The following PHLPP2 variants were observed in gnomAD, a reference collection of about 807,000 sequenced individuals.
The protein encoded by PHLPP2 is PH domain and leucine rich repeat protein phosphatase 2.
In PHLPP2, 66 loss-of-function variants were observed where a neutral mutation model predicts 124.9. That is an observed-to-expected ratio of 0.53 (90% confidence interval 0.43 to 0.65). The LOEUF is 0.65. Ranked by LOEUF, PHLPP2 falls within the 30% of genes least tolerant of loss-of-function variation. PHLPP2 has a pLI of 0.00. For synonymous variants in PHLPP2, 681 were observed against 624.7 expected (o/e 1.09, Z -1.34); for missense variants, 1,685 against 1,600.4 (o/e 1.05, Z -0.90).
intron 11 of PHLPP2, among the ~76,000 whole-genome samples, chr16:71,668,135 G>A (rs2044855247): frequency 6.6e-6 from 1 of 151,110 alleles, no homozygotes; most frequent in African/African-American, 2.4e-5. Context: ...GCTCTGGCCG[G>A]GGGTGGTGGC....
chr16:71,697,786 T>G (rs2045187886), intron 3 of PHLPP2, among the ~76,000 whole-genome samples: 1 of 150,852 alleles, frequency 6.6e-6, no homozygotes, highest in African/African-American at 2.4e-5. Flanking sequence ...CCAACGCAAA[T>G]AAGAGGTTTG....
rs770590778 is a variant in PHLPP2 at position 71,649,400 on chromosome 16, G to A, written c.3462C>T (p.Pro1154=). 1.4e-5 allele frequency: 22 copies of A among 1,613,900 alleles called. No individual in the cohort carries two copies. The highest frequency in any genetic ancestry group is 1.6e-4 in the Middle Eastern group (1 of 6,084). Residue 1154 remains proline (P), a synonymous_variant, in exon 19 of 19, where the codon CCC becomes CCT. Transcript: ENST00000568954. ...DNGLDSDDDQ[P]VEGVITNGSK... ...TGCCATTGGTTATGACCCCCTCAAC[G>A]GGCTGGTCATCATCACTGTCCAGGC... is the stretch of plus-strand genomic sequence containing the variant.
In PHLPP2 at chr16:71,716,637, TCAATCAC is replaced by T. The variant is rs551275580; in HGVS notation, c.-6-1843_-6-1837del. On this transcript the variant is annotated intron_variant, in intron 1 of 18. Transcript: ENST00000568954. ...CTACTACTGCCCTTTACTCCATGTTTCAATCACCTCCAACTACCTGCAGCTCTCCAAA... is the reference window on the plus strand; with the variant it reads ...CTACTACTGCCCTTTACTCCATGTTTCTCCAACTACCTGCAGCTCTCCAAA... Among the ~76,000 whole-genome samples, 661 of 152,306 alleles carry T rather than the reference TCAATCAC, an allele frequency of 4.3e-3. 11 individuals carry two copies. The highest frequency in any genetic ancestry group is 0.015 in the African/African-American group (641 of 41,564).
chr16:71,704,011 G>T (rs1489101597), intron 2 of PHLPP2, among the ~76,000 whole-genome samples: 2 of 152,146 alleles, frequency 1.3e-5, no homozygotes, highest in Non-Finnish European at 2.9e-5. Flanking sequence ...TAAAGAACCT[G>T]TTAAGAACCT....
At chr16:71,710,874 T>C (rs1234225332) in intron 2 of PHLPP2, among the ~76,000 whole-genome samples, 1 of 152,236 alleles carries the variant, frequency 6.6e-6, no homozygotes, top group African/African-American at 2.4e-5. Context: ...TCCTGCATAG[T>C]AACTGTCGAA....
At position 71,691,290 on chromosome 16, in the gene PHLPP2, T is replaced by TA. The variant is rs778123911; in HGVS notation, c.419-582dup. On this transcript the variant is annotated intron_variant, in intron 3 of 18. Coordinates refer to ENST00000568954, the MANE Select transcript of PHLPP2 (RefSeq NM_015020.3). ...TAGCACGGTGAAACCCCGTCTCTAC[T>TA]AAAAATACAAAAACAAAAAAATTAG... Among the ~76,000 whole-genome samples, 11 of 151,886 alleles carry TA rather than the reference T, an allele frequency of 7.2e-5. 1 individual carries two copies. In the East Asian group the frequency reaches 1.2e-3, roughly 16 times the overall value.
intron 5 of PHLPP2, among the ~76,000 whole-genome samples, chr16:71,683,237 T>C (rs1021302267): frequency 2.0e-5 from 3 of 152,158 alleles, no homozygotes; most frequent in Non-Finnish European, 4.4e-5. Flanking sequence ...AACAATCTCT[T>C]ATACAAAATC....
At chr16:71,722,590 A>T (rs376446947) in intron 1 of PHLPP2, among the ~76,000 whole-genome samples, 56 of 152,290 alleles carry the variant, frequency 3.7e-4, no homozygotes, top group African/African-American at 1.3e-3. Context: ...TAACATGTAA[A>T]TACTGCTGAA....
intron 3 of PHLPP2, among the ~76,000 whole-genome samples, chr16:71,694,819 C>T (rs901990885): frequency 2.6e-5 from 4 of 151,850 alleles, no homozygotes; most frequent in African/African-American, 7.3e-5. Flanking sequence ...GAGTCTTGCT[C>T]TGTCGCCCAG....
rs182808115 is a variant in PHLPP2, at chr16:71,719,274, C to T, written c.-6-4473G>A. ...TTCTAGCCGGGCGCAGTGGCTCATG[C>T]CTGTAATCCCAGCACTTTGGGAGGC... On this transcript the variant is annotated intron_variant, in intron 1 of 18. Transcript: ENST00000568954. Among the ~76,000 whole-genome samples, 8 of 152,334 alleles carry T rather than the reference C, an allele frequency of 5.3e-5. 1 individual carries two copies. In the East Asian group the frequency reaches 1.2e-3, roughly 22 times the overall value.
At chr16:71,675,829 TC>T (rs2044940734) in intron 9 of PHLPP2, among the ~76,000 whole-genome samples, 1 of 152,150 alleles carries the variant, frequency 6.6e-6, no homozygotes, top group African/African-American at 2.4e-5. Context: ...GCTCAAGTGA[TC>T]CTCCCATCTC....
At chr16:71,665,265 G>A (rs913344484) in intron 12 of PHLPP2, among the ~76,000 whole-genome samples, 5 of 152,064 alleles carry the variant, frequency 3.3e-5, no homozygotes, top group Non-Finnish European at 7.4e-5. Context: ...AGCTGAGATC[G>A]TGCCACCGCA....
intron 3 of PHLPP2, among the ~76,000 whole-genome samples, chr16:71,696,571 A>G (rs536199840): frequency 1.2e-4 from 18 of 151,290 alleles, no homozygotes; most frequent in African/African-American, 4.4e-4. Context: ...CAGGAGGCAG[A>G]GGCTGCAGTG....
intron 1 of PHLPP2, among the ~76,000 whole-genome samples, chr16:71,720,159 CG>C (rs2045389606): frequency 1.3e-5 from 2 of 151,484 alleles, no homozygotes; most frequent in African/African-American, 4.9e-5. Flanking sequence ...TTAGTAGAGA[CG>C]GGGTTTCACT....
chr16:71,684,625 C>T (rs1415531084), intron 4 of PHLPP2, 24 bp from the exon 5 acceptor site: 1 of 1,570,596 alleles, frequency 6.4e-7, no homozygotes, highest in South Asian at 1.2e-5. Flanking sequence ...GGGGAGAAAA[C>T]CAGAACCACT....
At chr16:71,683,812 C>T (rs186866963) in intron 5 of PHLPP2, among the ~76,000 whole-genome samples, 60 of 151,548 alleles carry the variant, frequency 4.0e-4, no homozygotes, top group Middle Eastern at 3.4e-3. Context: ...TTTTTTCAGA[C>T]GGACTTTTGC....
chr16:71,664,354 TCTAAC>T (rs1488842735), intron 12 of PHLPP2: 9 of 545,006 alleles, frequency 1.7e-5, no homozygotes, highest in Non-Finnish European at 2.9e-5. Flanking sequence ...AGTGCCTGAT[TCTAAC>T]CTAACTTCAT....
chr16:71,690,365 C>G (rs1476440225), intron 4 of PHLPP2, among the ~76,000 whole-genome samples, 154 bp downstream of exon 4: 1 of 152,174 alleles, frequency 6.6e-6, no homozygotes, highest in African/African-American at 2.4e-5. Flanking sequence ...GCATAATAGC[C>G]TCTGAACCTC....
At chr16:71,669,667 G>C (rs1315771738) in intron 10 of PHLPP2, among the ~76,000 whole-genome samples, 1 of 152,254 alleles carries the variant, frequency 6.6e-6, no homozygotes, top group African/African-American at 2.4e-5. Flanking sequence ...GGTGGGATGG[G>C]ATGAGGGAAA....
Sources: gnomAD v4.1 joint callset for allele counts (sites outside exome capture counted in the v4.1 genomes callset) on GRCh38, gnomAD v4.1.1 for gene constraint, MANE v1.5 for transcripts, NCBI Gene and HGNC (gene_info 2026-07-23, HGNC 2026-07-21) for gene names.